Variants in ABCD2 observed in about 807,000 individuals in gnomAD.
The protein encoded by ABCD2 is ATP binding cassette subfamily D member 2.
ABCD2 carries 36 observed loss-of-function variants against 70.9 expected under a neutral mutation model. The ratio of observed to expected loss-of-function variants is 0.51; its 90% CI spans 0.39 to 0.67. The LOEUF is 0.67. ABCD2 is among the 30% of genes least tolerant of loss of function. The probability of loss-of-function intolerance (pLI) is 0.00; values close to 1 mark genes in which losing one functional copy is unlikely to be tolerated. For synonymous variants in ABCD2, 304 were observed against 306.9 expected (o/e 0.99, Z 0.10); for missense variants, 729 against 890.2 (o/e 0.82, Z 2.30).
rs781264936 is a variant in ABCD2, at chr12:39,619,442, A to T, written c.174T>A (p.Pro58=). The part of the protein sequence containing the change: ...GHGKKKAAAY[P]AAENTEILHC... Reference sequence around the variant, plus strand: ...GCAGTATTTCTGTGTTCTCTGCAGCAGGGTAAGCTGCTGCTTTTTTCTTCC... The same window carrying T: ...GCAGTATTTCTGTGTTCTCTGCAGCTGGGTAAGCTGCTGCTTTTTTCTTCC... The change falls in exon 1 of 10, where the codon CCT becomes CCA. Residue 58 remains proline (P), a synonymous_variant. Transcript: ENST00000308666. 1.9e-6 allele frequency: 3 copies of T among 1,614,000 alleles called. No homozygotes were observed. The highest frequency in any genetic ancestry group is 2.5e-6 in the Non-Finnish European group (3 of 1,180,032).
At chr12:39,560,002 A>G (rs1450019413) in intron 9 of ABCD2, among the ~76,000 whole-genome samples, 1 of 152,198 alleles carries the variant, frequency 6.6e-6, no homozygotes, top group Non-Finnish European at 1.5e-5. Flanking sequence ...GGGGTTATGT[A>G]AATCACTTAT....
rs184705401 is a variant in ABCD2, at chr12:39,590,069, C to A, written c.1647-3772G>T. Among the ~76,000 whole-genome samples, 510 of 152,100 alleles carry A rather than the reference C, an allele frequency of 3.4e-3. 5 individuals are homozygous for A. The highest frequency in any genetic ancestry group is 3.9e-3 in the Non-Finnish European group (266 of 67,974). On this transcript the variant is annotated intron_variant, in intron 6 of 9. Coordinates refer to ENST00000308666, the MANE Select transcript of ABCD2 (RefSeq NM_005164.4). ...TTGAAAGCACAAGGAAACGGAGGAC[C>A]CTATAGCCAATGTTTATATAATTAG...
intron 8 of ABCD2, among the ~76,000 whole-genome samples, chr12:39,574,567 C>T (rs1007994923): frequency 1.3e-5 from 2 of 152,080 alleles, no homozygotes; most frequent in Admixed American, 1.3e-4. Context: ...ACCCCCTGCT[C>T]TTACTTTTCT....
At chr12:39,592,408 GTTCA>G (rs1941758835) in intron 6 of ABCD2, among the ~76,000 whole-genome samples, 1 of 152,168 alleles carries the variant, frequency 6.6e-6, no homozygotes, top group Non-Finnish European at 1.5e-5. Context: ...CTGTGGAGAT[GTTCA>G]TTCATTCAGT....
At chr12:39,564,726 T>C (rs1411864657) in intron 9 of ABCD2, among the ~76,000 whole-genome samples, 1 of 152,100 alleles carries the variant, frequency 6.6e-6, no homozygotes, top group South Asian at 2.1e-4. Flanking sequence ...CTGAATGGTA[T>C]TGCCTAGGTT....
chr12:39,602,150 T>C (rs931885702), intron 5 of ABCD2, among the ~76,000 whole-genome samples: 19 of 149,802 alleles, frequency 1.3e-4, no homozygotes, highest in African/African-American at 2.0e-4. Flanking sequence ...TTTATTTATT[T>C]ATTTATTTAT....
chr12:39,596,889 A>G (rs1264738724), intron 6 of ABCD2, among the ~76,000 whole-genome samples: 1 of 152,176 alleles, frequency 6.6e-6, no homozygotes, highest in South Asian at 2.1e-4. Context: ...TTTGCATATC[A>G]CCAACACACA....
chr12:39,557,760 A>G (rs1037781826), intron 9 of ABCD2, among the ~76,000 whole-genome samples: 1 of 152,180 alleles, frequency 6.6e-6, no homozygotes, highest in Non-Finnish European at 1.5e-5. Context: ...TACAAGCCCC[A>G]GTCCTTGGTG....
Position 39,554,774 on chromosome 12 carries a change from C to G in ABCD2, c.2004-643G>C, listed in dbSNP as rs533906669. Among the ~76,000 whole-genome samples the G allele has an allele frequency of 2.3e-4, 35 of 152,228 alleles. 1 individual carries two copies. In the South Asian group the frequency reaches 7.3e-3, roughly 32 times the overall value. On this transcript the variant is annotated intron_variant, in intron 9 of 9. Coordinates refer to ENST00000308666, the MANE Select transcript of ABCD2 (RefSeq NM_005164.4). ...ACTGATGAGATAGGAGATGATCCAC[C>G]TTGTCCTAAAGGAGGCTGAGGTCAC...
At chr12:39,562,871 T>A (rs1941281041) in intron 9 of ABCD2, among the ~76,000 whole-genome samples, 1 of 152,036 alleles carries the variant, frequency 6.6e-6, no homozygotes, top group Non-Finnish European at 1.5e-5. Flanking sequence ...AAAAGAAAAC[T>A]ACAGGCCAAT....
intron 9 of ABCD2, among the ~76,000 whole-genome samples, chr12:39,564,734 G>C (rs997168479): frequency 2.0e-5 from 3 of 152,118 alleles, no homozygotes; most frequent in East Asian, 1.9e-4. Flanking sequence ...TATTGCCTAG[G>C]TTTTCTTCTA....
chr12:39,598,576 T>G (rs1464741480), intron 6 of ABCD2, among the ~76,000 whole-genome samples: 2 of 151,990 alleles, frequency 1.3e-5, no homozygotes, highest in African/African-American at 4.8e-5. Context: ...AATTTTGTAT[T>G]CTTAGTAGAG....
chr12:39,588,195 G>A (rs1246709593), intron 6 of ABCD2, among the ~76,000 whole-genome samples: 3 of 152,028 alleles, frequency 2.0e-5, no homozygotes, highest in Admixed American at 6.6e-5. Context: ...ATCTACATCT[G>A]GAACAGTCTA....
chr12:39,589,476 G>T (rs530551254), intron 6 of ABCD2, among the ~76,000 whole-genome samples: 2 of 141,832 alleles, frequency 1.4e-5, no homozygotes, highest in Non-Finnish European at 3.0e-5. Context: ...TGCAAGCTCC[G>T]CCTCCCGGGT....
rs1189719916 is a variant in ABCD2 at position 39,585,232 on chromosome 12, C to A, written c.1792+920G>T. 5.3e-5 allele frequency among the ~76,000 whole-genome samples: 8 copies of A among 152,200 alleles called. 1 individual carries two copies. The South Asian group carries it at 8.3e-4, about 16-fold the overall frequency. Reference sequence around the variant, plus strand: ...AATTCCCATTGTAGAGATCTTTCACCTTCCTGGTTAGCTGTATTCCTAGGT... The same window carrying A: ...AATTCCCATTGTAGAGATCTTTCACATTCCTGGTTAGCTGTATTCCTAGGT... On this transcript the variant is annotated intron_variant, in intron 7 of 9. Coordinates refer to ENST00000308666, the MANE Select transcript of ABCD2 (RefSeq NM_005164.4).
chr12:39,604,296 C>G (rs76917994), intron 4 of ABCD2, among the ~76,000 whole-genome samples: 3,019 of 151,904 alleles, frequency 0.02, 43 homozygotes, highest in South Asian at 0.041. Context: ...AATAACCCAG[C>G]CTTAATTTTT....
At chr12:39,609,685 A>G (rs1184608586) in intron 2 of ABCD2, among the ~76,000 whole-genome samples, 5 of 152,162 alleles carry the variant, frequency 3.3e-5, no homozygotes, top group Non-Finnish European at 2.9e-5. Context: ...CCATTTTGAT[A>G]TTTAGTTCAC....
intron 6 of ABCD2, 93 bp from the exon 7 acceptor site, chr12:39,586,390 CTT>C: frequency 8.1e-7 from 1 of 1,234,520 alleles, no homozygotes; most frequent in African/African-American, 1.5e-5. Flanking sequence ...TCAGTGAAGA[CTT>C]TAAACACTAC....
At chr12:39,545,958 G>A (rs1941021891), downstream of ABCD2, among the ~76,000 whole-genome samples, 1 of 152,072 alleles carries the variant, frequency 6.6e-6, no homozygotes, top group African/African-American at 2.4e-5. Flanking sequence ...TATAGTTATT[G>A]TAATATCTAC....
Sources: gnomAD v4.1 joint callset for allele counts (sites outside exome capture counted in the v4.1 genomes callset) on GRCh38, gnomAD v4.1.1 for gene constraint, MANE v1.5 for transcripts, NCBI Gene and HGNC (gene_info 2026-07-23, HGNC 2026-07-21) for gene names.